CCDC33: variants seen among roughly 807,000 people sequenced by gnomAD.
CCDC33 encodes coiled-coil domain containing 33.
In CCDC33, 94 loss-of-function variants were observed where a neutral mutation model predicts 91.9. The ratio of observed to expected loss-of-function variants is 1.02; its 90% CI spans 0.87 to 1.21. The LOEUF is 1.21. Ranked by LOEUF, CCDC33 falls within the 50% of genes most tolerant of loss-of-function variation. CCDC33 has a pLI of 0.00. For missense variants in CCDC33, 940 were observed against 935.5 expected, an observed-to-expected ratio of 1.00 and a Z score of -0.06; for synonymous variants, 396 against 374.5, an observed-to-expected ratio of 1.06 and a Z score of -0.66.
intron 11 of CCDC33, among the ~76,000 whole-genome samples, chr15:74,326,923 C>T (rs945769126): frequency 8.3e-4 from 126 of 152,268 alleles, no homozygotes; most frequent in African/African-American, 2.8e-3. Context: ...TGGGGAGGCC[C>T]AGCTCCAGGC....
intron 10 of CCDC33, among the ~76,000 whole-genome samples, chr15:74,295,139 C>A (rs998203582): frequency 7.2e-5 from 11 of 152,124 alleles, no homozygotes; most frequent in African/African-American, 2.2e-4. Context: ...TGTTACTGCA[C>A]CAAGTGTGGG....
chr15:74,249,256 G>A (rs1163954803), intron 2 of CCDC33, among the ~76,000 whole-genome samples: 1 of 152,144 alleles, frequency 6.6e-6, no homozygotes, highest in Non-Finnish European at 1.5e-5. Flanking sequence ...GGAGGCCGAG[G>A]CGGATGGATC....
intron 2 of CCDC33, among the ~76,000 whole-genome samples, chr15:74,261,448 C>T (rs921603307): frequency 2.0e-5 from 3 of 152,312 alleles, no homozygotes; most frequent in South Asian, 2.1e-4. Flanking sequence ...CCCACACTCC[C>T]TTTGGGGTCC....
intron 11 of CCDC33, among the ~76,000 whole-genome samples, chr15:74,327,073 G>C (rs1450293364): frequency 6.6e-6 from 1 of 152,158 alleles, no homozygotes; most frequent in Non-Finnish European, 1.5e-5. Context: ...GTAGAGGGAA[G>C]AGAGCATACA....
intron 10 of CCDC33, among the ~76,000 whole-genome samples, chr15:74,287,179 C>A (rs183206831): frequency 6.6e-6 from 1 of 152,354 alleles, no homozygotes; most frequent in Admixed American, 6.5e-5. Flanking sequence ...CCAAGCACAG[C>A]GGCCTGAATG....
At chr15:74,265,105 A>G (rs950008674) in intron 3 of CCDC33, among the ~76,000 whole-genome samples, 5 of 152,028 alleles carry the variant, frequency 3.3e-5, no homozygotes, top group African/African-American at 1.2e-4. Flanking sequence ...TACTTAATAA[A>G]GCCCTCAGCT....
chr15:74,238,442 A>G (rs1413270871), intron 1 of CCDC33, among the ~76,000 whole-genome samples: 1 of 150,898 alleles, frequency 6.6e-6, no homozygotes, highest in Non-Finnish European at 1.5e-5. Context: ...CTCATCATGT[A>G]TATATAATAC....
At position 74,331,315 on chromosome 15, in the gene CCDC33, G is replaced by A; in HGVS notation, c.1771+19G>A. The stretch of plus-strand genomic sequence containing the variant: ...TACACGGGTGGGTCCACACCCTGAT[G>A]TGATCAGCTCCCCAGCTTCTGCTCC... On this transcript the variant is annotated intron_variant, in intron 15 of 18. Coordinates refer to ENST00000398814, the MANE Select transcript of CCDC33 (RefSeq NM_025055.5). 3 of 1,611,296 alleles carry A rather than the reference G, an allele frequency of 1.9e-6. No individual in the cohort carries two copies. The highest frequency in any genetic ancestry group is 2.5e-6 in the Non-Finnish European group (3 of 1,178,158).
At chr15:74,325,460 T>G (rs1331781185) in intron 11 of CCDC33, among the ~76,000 whole-genome samples, 2 of 151,962 alleles carry the variant, frequency 1.3e-5, no homozygotes, top group Non-Finnish European at 2.9e-5. Context: ...TTCCTAGACC[T>G]GGGGCTAGGA....
intron 7 of CCDC33, among the ~76,000 whole-genome samples, chr15:74,273,264 T>C (rs1281514125): frequency 1.3e-5 from 2 of 152,168 alleles, no homozygotes; most frequent in Admixed American, 6.5e-5. Flanking sequence ...TGTAGAACAG[T>C]GGCTACAGGG....
chr15:74,249,696 T>C (rs536290826), intron 2 of CCDC33, among the ~76,000 whole-genome samples: 1 of 151,834 alleles, frequency 6.6e-6, no homozygotes, highest in Non-Finnish European at 1.5e-5. Context: ...ACCCGTGCAC[T>C]AGGGGTAAAT....
intron 2 of CCDC33, among the ~76,000 whole-genome samples, chr15:74,256,762 A>C (rs919967399): frequency 2.0e-5 from 3 of 152,224 alleles, no homozygotes; most frequent in Non-Finnish European, 4.4e-5. Flanking sequence ...CCCTTCCCAG[A>C]AGAGGGTAGA....
intron 11 of CCDC33, among the ~76,000 whole-genome samples, chr15:74,297,875 C>T (rs1021494903): frequency 6.6e-6 from 1 of 152,202 alleles, no homozygotes; most frequent in Non-Finnish European, 1.5e-5. Context: ...ACCAGCCAAC[C>T]CTCTGCCCTC....
At chr15:74,225,533 C>T (rs1428595512) in intron 2 of CCDC33, among the ~76,000 whole-genome samples, 2 of 151,938 alleles carry the variant, frequency 1.3e-5, no homozygotes, top group East Asian at 1.9e-4. Context: ...ACCCCCCTAC[C>T]CTCCACCTCC....
At chr15:74,301,871 C>G (rs60033499) in intron 11 of CCDC33, 8,979 of 151,684 alleles carry the variant, frequency 0.059, 659 homozygotes, top group African/African-American at 0.18. Context: ...TCCCTCCCCC[C>G]TCTCTCTCTC....
Position 74,236,663 on chromosome 15 carries a change from C to G in CCDC33, c.-57C>G. ...ACTGATTCCTGATCACCCACTGATA[C>G]CAAGTACTCATCCCCAAGATTGTTA... On this transcript the variant is annotated 5_prime_UTR_variant, in exon 1 of 19. Coordinates refer to ENST00000398814, the MANE Select transcript of CCDC33 (RefSeq NM_025055.5). 8 of 1,573,026 alleles carry G rather than the reference C, an allele frequency of 5.1e-6. No homozygotes were observed. Among genetic ancestry groups the G allele is most frequent in the Non-Finnish European group, 7.0e-6 (8 of 1,145,364 alleles).
chr15:74,232,845 C>G (rs2075024670), upstream of CCDC33, among the ~76,000 whole-genome samples: 1 of 152,184 alleles, frequency 6.6e-6, no homozygotes, highest in African/African-American at 2.4e-5. Context: ...GGTGAGTTCT[C>G]CCCCACTGGA....
Position 74,236,832 on chromosome 15 carries a change from C to A in CCDC33, c.21+92C>A, listed in dbSNP as rs999146058. On this transcript the variant is annotated intron_variant, in intron 1 of 18. Transcript: ENST00000398814. Reference sequence around the variant, plus strand: ...AGTTTTGTTTGCTCCTTAATCATGACAAAAGCTTCCCTTCCCTGGGTCTCA... The same window carrying A: ...AGTTTTGTTTGCTCCTTAATCATGAAAAAAGCTTCCCTTCCCTGGGTCTCA... The A allele has an allele frequency of 5.5e-6, 7 of 1,273,372 alleles. No homozygotes were observed. The East Asian group carries it at 1.7e-4, about 30-fold the overall frequency. The allele number at this position is 1,273,372 out of a possible 1,614,324, so 78.9% of individuals were successfully genotyped here. A position where few individuals can be genotyped will look rare whatever the true frequency, so the allele number is the denominator to read the frequency against.
Position 74,331,273 on chromosome 15 carries a change from G to C in CCDC33, c.1748G>C (p.Arg583Thr). 1 of 1,614,106 alleles carries C rather than the reference G, an allele frequency of 6.2e-7. No homozygotes were observed. ...QDRSKPPPLN[R>T]QQGKPYTGFP... ...AGGAGCAAGCCCCCTCCTCTGAACA[G>C]GCAGCAGGGAAAGCCCTACACGGGT... Residue 583 changes from arginine to threonine, a missense_variant, in exon 15 of 19, where the codon AGG becomes ACG. Coordinates refer to ENST00000398814, the MANE Select transcript of CCDC33 (RefSeq NM_025055.5).
Sources: allele counts gnomAD v4.1 joint callset (sites outside exome capture counted in the v4.1 genomes callset), GRCh38; gene constraint gnomAD v4.1.1; transcripts MANE v1.5; gene names NCBI Gene and HGNC (gene_info 2026-07-23, HGNC 2026-07-21).